The following MYH15 variants were observed in gnomAD, a reference collection of about 807,000 sequenced individuals.
The protein encoded by MYH15 is myosin heavy chain 15.
A neutral mutation model predicts 240.5 loss-of-function variants in MYH15; 227 were observed. The ratio of observed to expected loss-of-function variants is 0.94; its 90% CI spans 0.85 to 1.05. The LOEUF (loss-of-function observed/expected upper bound fraction) is 1.05, where lower values mean the gene tolerates loss of function less well. Among genes scored for constraint, MYH15 ranks in the 50% least tolerant of loss-of-function variants. MYH15 has a pLI of 0.00. For synonymous variants in MYH15, 785 were observed against 796.7 expected (o/e 0.99, Z 0.25); for missense variants, 2,217 against 2,247.5 (o/e 0.99, Z 0.27).
intron 25 of MYH15, among the ~76,000 whole-genome samples, chr3:108,436,261 T>C (rs1251442151): frequency 6.6e-6 from 1 of 152,224 alleles, no homozygotes; most frequent in African/African-American, 2.4e-5. Context: ...CTTTGCTGGT[T>C]ATCATTTGCA....
chr3:108,508,678 G>A (rs1435332425), intron 1 of MYH15, among the ~76,000 whole-genome samples: 1 of 152,148 alleles, frequency 6.6e-6, no homozygotes, highest in Admixed American at 6.6e-5. Context: ...ATGTATTGAA[G>A]CATTTCTTTT....
intron 16 of MYH15, chr3:108,461,595 T>C (rs1489395288): frequency 6.6e-6 from 1 of 152,180 alleles, no homozygotes; most frequent in African/African-American, 2.4e-5. Context: ...CAAACCATTC[T>C]CTGATCTCTT....
At chr3:108,508,998 C>G (rs1185512289) in intron 1 of MYH15, among the ~76,000 whole-genome samples, 2 of 152,138 alleles carry the variant, frequency 1.3e-5, no homozygotes, top group Non-Finnish European at 2.9e-5. Flanking sequence ...CATGAGGAAA[C>G]CAGGGCTCAA....
chr3:108,526,882 T>C (rs755956927), intron 1 of MYH15, among the ~76,000 whole-genome samples: 1 of 152,112 alleles, frequency 6.6e-6, no homozygotes, highest in Admixed American at 6.6e-5. Flanking sequence ...CAAAAAGAAT[T>C]GAAAAACAGA....
intron 11 of MYH15, among the ~76,000 whole-genome samples, chr3:108,484,677 G>C (rs571470849): frequency 3.3e-5 from 5 of 151,816 alleles, no homozygotes; most frequent in African/African-American, 4.8e-5. Context: ...ACAGGGTTTC[G>C]CTATATTGGC....
upstream of MYH15, among the ~76,000 whole-genome samples, chr3:108,532,892 TGG>T (rs761804262): frequency 6.6e-6 from 1 of 152,176 alleles, no homozygotes; most frequent in Non-Finnish European, 1.5e-5. Context: ...ACCAATGTAT[TGG>T]CTACTGAGCG....
chr3:108,547,913 G>C, the MYH15 span, among the ~76,000 whole-genome samples: 33 of 152,106 alleles, frequency 2.2e-4, no homozygotes, highest in African/African-American at 7.7e-4. Flanking sequence ...TTTCCAAAAG[G>C]AAAAACAGGA....
At chr3:108,419,244 A>C (rs143138342) in intron 28 of MYH15, among the ~76,000 whole-genome samples, 102 of 152,308 alleles carry the variant, frequency 6.7e-4, no homozygotes, top group African/African-American at 2.3e-3. Context: ...AAAAACAAAT[A>C]AACAATCTGG....
chr3:108,516,285 G>T (rs2083571808), intron 1 of MYH15, among the ~76,000 whole-genome samples: 2 of 152,112 alleles, frequency 1.3e-5, no homozygotes, highest in Non-Finnish European at 2.9e-5. Context: ...CAAGTAATAA[G>T]AACAAATATT....
chr3:108,476,754 G>A (rs1286156141), intron 11 of MYH15, among the ~76,000 whole-genome samples: 1 of 152,016 alleles, frequency 6.6e-6, no homozygotes, highest in Non-Finnish European at 1.5e-5. Flanking sequence ...TTGGCATTAA[G>A]GAAAAAGAAA....
At chr3:108,547,023 T>C in the MYH15 span, among the ~76,000 whole-genome samples, 4 of 152,034 alleles carry the variant, frequency 2.6e-5, no homozygotes, top group Non-Finnish European at 4.4e-5. Flanking sequence ...GGACTTATCA[T>C]GCTCATTATT....
At chr3:108,496,901 G>T (rs1403932289) in intron 6 of MYH15, among the ~76,000 whole-genome samples, 1 of 151,436 alleles carries the variant, frequency 6.6e-6, no homozygotes, top group Non-Finnish European at 1.5e-5. Context: ...GGTGGCTCAC[G>T]CCTGTAATCC....
intron 11 of MYH15, among the ~76,000 whole-genome samples, chr3:108,480,279 C>T (rs548016739): frequency 6.1e-4 from 93 of 152,220 alleles, no homozygotes; most frequent in African/African-American, 1.6e-3. Context: ...GAAGAGTTTC[C>T]TTAACAATGA....
intron 21 of MYH15, among the ~76,000 whole-genome samples, chr3:108,453,546 C>G (rs535474478): frequency 1.3e-5 from 2 of 152,232 alleles, no homozygotes; most frequent in East Asian, 3.9e-4. Flanking sequence ...GTGAACCTGT[C>G]TGAAATAAAG....
rs182956512 is a variant in MYH15, at chr3:108,510,516, G to A, written c.15C>T (p.Asp5=). The change falls in exon 1 of 41, where the codon GAC becomes GAT. Residue 5 remains aspartate, a synonymous_variant. Coordinates refer to ENST00000693548, the MANE Select transcript of MYH15 (RefSeq NM_014981.3). ...TGAGGAAGGCTGCGGCTTCTCCAAGGTCTGACAGATCCATCTTTATTAAAG... is the reference window on the plus strand; with the variant it reads ...TGAGGAAGGCTGCGGCTTCTCCAAGATCTGACAGATCCATCTTTATTAAAG... The part of the protein sequence containing the change: MDLS[D]LGEAAAFLRR... 164 of 1,613,294 alleles carry A rather than the reference G, an allele frequency of 1.0e-4. No homozygotes were observed. In the East Asian group the frequency reaches 3.1e-3, roughly 30 times the overall value.
In MYH15 at chr3:108,410,821, G is replaced by A. The variant is rs749790241; in HGVS notation, c.4257C>T (p.Asp1419=). The A allele has an allele frequency of 6.8e-6, 11 of 1,613,942 alleles. No homozygotes were observed. The highest frequency in any genetic ancestry group is 3.3e-5 in the South Asian group (3 of 91,088). ...ARHQLQLELG[D]ALSDLGKVRS... is the part of the protein sequence containing the mutation. Reference sequence around the variant, plus strand: ...GGACCTTCCCGAGGTCAGACAGGGCGTCCCCGAGCTCCAGCTGCAGCTGGT... The same window carrying A: ...GGACCTTCCCGAGGTCAGACAGGGCATCCCCGAGCTCCAGCTGCAGCTGGT... Residue 1419 remains aspartate, a synonymous_variant, in exon 31 of 41, where the codon GAC becomes GAT. Coordinates refer to ENST00000693548, the MANE Select transcript of MYH15 (RefSeq NM_014981.3).
chr3:108,547,993 G>C, the MYH15 span, among the ~76,000 whole-genome samples: 1 of 152,174 alleles, frequency 6.6e-6, no homozygotes, highest in African/African-American at 2.4e-5. Flanking sequence ...TTGACAGCCA[G>C]AGTCTTTCCA....
In MYH15 at chr3:108,492,449, C is replaced by T; in HGVS notation, c.871+51G>A. The T allele has an allele frequency of 2.2e-6, 3 of 1,362,078 alleles. No individual in the cohort carries two copies. The South Asian group carries it at 3.8e-5, about 17-fold the overall frequency. The allele number at this position is 1,362,078 out of a possible 1,614,324, so 84.4% of individuals were successfully genotyped here. A position where few individuals can be genotyped will look rare whatever the true frequency, so the allele number is the denominator to read the frequency against. ...ACACTTTTTCATCCCCCAAATATGA[C>T]TTATTTTTCTTGTTTTGGAATAACC... On this transcript the variant is annotated intron_variant, in intron 9 of 40. Coordinates refer to ENST00000693548, the MANE Select transcript of MYH15 (RefSeq NM_014981.3).
chr3:108,389,033 G>A lies in MYH15; in HGVS notation c.5472C>T (p.Arg1824=), dbSNP rs555151303. Reference sequence around the variant, plus strand: ...GGGCTCCCCTCTGGGCCTCTGCACTGCGACGGATTTCACCCTCCAGTTCAC... The same window carrying A: ...GGGCTCCCCTCTGGGCCTCTGCACTACGACGGATTTCACCCTCCAGTTCAC... ...LEGELEGEIR[R]SAEAQRGARR... The change falls in exon 38 of 41, where the codon CGC becomes CGT. Residue 1824 remains arginine, a synonymous_variant. Coordinates refer to ENST00000693548, the MANE Select transcript of MYH15 (RefSeq NM_014981.3). 4 of 1,613,924 alleles carry A rather than the reference G, an allele frequency of 2.5e-6. No individual in the cohort carries two copies. Among genetic ancestry groups the A allele is most frequent in the Non-Finnish European group, 3.4e-6 (4 of 1,179,892 alleles).
Sources: allele counts gnomAD v4.1 joint callset (sites outside exome capture counted in the v4.1 genomes callset), GRCh38; gene constraint gnomAD v4.1.1; transcripts MANE v1.5; gene names NCBI Gene and HGNC (gene_info 2026-07-23, HGNC 2026-07-21).